KCNA4: variants seen among roughly 807,000 people sequenced by gnomAD.
KCNA4 encodes cardiac potassium channel.
KCNA4 carries 5 observed loss-of-function variants against 37.2 expected under a neutral mutation model. The ratio of observed to expected loss-of-function variants is 0.13; its 90% CI spans 0.07 to 0.28. The LOEUF is 0.28. Among genes scored for constraint, KCNA4 ranks in the 10% least tolerant of loss-of-function variants. KCNA4 has a pLI of 1.00. For missense variants in KCNA4, 634 were observed against 817.4 expected, an observed-to-expected ratio of 0.78 and a Z score of 2.74; for synonymous variants, 350 against 311.8, an observed-to-expected ratio of 1.12 and a Z score of -1.29.
Position 30,012,548 on chromosome 11 carries a change from A to C in KCNA4, c.131T>G (p.Val44Gly). The change falls in exon 2 of 2, where the codon GTT (valine) becomes GGT (glycine). Residue 44 changes from valine to glycine, a missense_variant. Val to Gly is a moderately radical substitution (Grantham distance 109). This residue lies in a region of KCNA4 where 236 missense variants were observed against 229.5 expected (regional missense o/e 1.03). Transcript: ENST00000328224. ...AHSRAAAAAA[V>G]AAATAAVEGS... ...TTCGACAGCAGCTGTGGCCGCTGCA[A>C]CAGCAGCTGCTGCAGCTGCCCTGGA... 1 of 1,607,730 alleles carries C rather than the reference A, an allele frequency of 6.2e-7. No homozygotes were observed. The highest frequency in any genetic ancestry group is 8.5e-7 in the Non-Finnish European group (1 of 1,179,858).
Position 30,012,764 on chromosome 11 carries a change from G to A in KCNA4, c.-86C>T. The A allele has an allele frequency of 2.0e-6, 3 of 1,501,710 alleles. No homozygotes were observed. Among genetic ancestry groups the A allele is most frequent in the East Asian group, 2.3e-5 (1 of 43,430 alleles). 93.0% of individuals were successfully genotyped at this position (1,501,710 alleles called of 1,614,324 possible). The stretch of plus-strand genomic sequence containing the variant: ...CAGCTTCTTTTCTCACCAAATTAAG[G>A]TAAGTTTGGAACCCTTAAGCAGATT... On this transcript the variant is annotated 5_prime_UTR_variant, in exon 2 of 2. Transcript: ENST00000328224.
chr11:30,011,800 A>T lies in KCNA4; in HGVS notation c.879T>A (p.Ile293=). Residue 293 remains isoleucine (I), a synonymous_variant, in exon 2 of 2, where the codon ATT becomes ATA. Coordinates refer to ENST00000328224, the MANE Select transcript of KCNA4 (RefSeq NM_002233.4). This position sits in a 1 kb window ranked among gnomAD's most constrained non-coding sequence, Gnocchi z 5.6. The stretch of plus-strand genomic sequence containing the variant: ...TCTCTGGATATTCAAAGAGGAGCCA[A>T]ATCTGCTTTTTAAATTCATTCTCGG... The part of the protein sequence containing the change: ...ALPENEFKKQ[I]WLLFEYPESS... The T allele has an allele frequency of 6.2e-7, 1 of 1,613,970 alleles. No individual in the cohort carries two copies.
Position 30,011,848 on chromosome 11 carries a change from T to C in KCNA4, c.831A>G (p.Arg277=). The change falls in exon 2 of 2, where the codon AGA becomes AGG. Residue 277 remains arginine, a synonymous_variant. Transcript: ENST00000328224. This position sits in a 1 kb window ranked among gnomAD's most constrained non-coding sequence, Gnocchi z 5.6. ...CGGGGAGGGCCCTGTCTTCCTCTTC[T>C]CTCACAAAGCCCTCGTCCTCCCGAA... is the stretch of plus-strand genomic sequence containing the variant. ...LKFREDEGFV[R]EEEDRALPEN... The C allele has an allele frequency of 6.2e-7, 1 of 1,614,086 alleles. No individual in the cohort carries two copies. The highest frequency in any genetic ancestry group is 8.5e-7 in the Non-Finnish European group (1 of 1,180,022).
intron 1 of KCNA4, among the ~76,000 whole-genome samples, chr11:30,015,429 A>G (rs1268671921): frequency 6.6e-6 from 1 of 152,068 alleles, no homozygotes; most frequent in Admixed American, 6.6e-5. Context: ...TTCCCACCCA[A>G]CTGACTCCCA....
Position 30,010,049 on chromosome 11 carries a change from T to C in KCNA4, c.*668A>G, listed in dbSNP as rs1169816997. ...TCCAATTTCACTTATTCTATAATGT[T>C]AGACATTTGCTGTTAAGTCTTCCCA... On this transcript the variant is annotated 3_prime_UTR_variant, in exon 2 of 2. Coordinates refer to ENST00000328224, the MANE Select transcript of KCNA4 (RefSeq NM_002233.4). 2.0e-5 allele frequency: 3 copies of C among 152,194 alleles called. No individual in the cohort carries two copies. Among genetic ancestry groups the C allele is most frequent in the African/African-American group, 2.4e-5 (1 of 41,462 alleles). 9.4% of individuals were successfully genotyped at this position (152,194 alleles called of 1,614,324 possible).
chr11:30,012,960 C>G lies in KCNA4; in HGVS notation c.-282G>C. ...AAGAAGTCCGAAAATGCTGGAGTCT[C>G]TCAGACACCTATGTTTTGGGGGTAG... On this transcript the variant is annotated 5_prime_UTR_variant, in exon 2 of 2. Transcript: ENST00000328224. 3.0e-6 allele frequency: 1 copy of G among 338,680 alleles called. No homozygotes were observed. Among genetic ancestry groups the G allele is most frequent in the Middle Eastern group, 8.2e-4 (1 of 1,214 alleles). The allele number at this position is 338,680 out of a possible 1,614,324, so 21.0% of individuals were successfully genotyped here.
chr11:30,010,802 T>G lies in KCNA4; in HGVS notation c.1877A>C (p.Glu626Ala), dbSNP rs1170755652. The G allele has an allele frequency of 2.7e-5, 43 of 1,614,118 alleles. No homozygotes were observed. The highest frequency in any genetic ancestry group is 3.6e-5 in the Non-Finnish European group (42 of 1,180,062). Residue 626 changes from glutamate to alanine, a missense_variant, in exon 2 of 2, where the codon GAG becomes GCG. Physicochemically the swap from Glu to Ala is moderately radical, Grantham distance 107. Around this residue, in one of 8 missense-constraint regions of KCNA4, gnomAD observed 91 missense variants for 95.8 expected, o/e 0.95. Transcript: ENST00000328224. ...ATCCCCCTTTCCCTGACACTTCTCCTCCTTTGCACACAGAGATTCCTTAAC... is the reference window on the plus strand; with the variant it reads ...ATCCCCCTTTCCCTGACACTTCTCCGCCTTTGCACACAGAGATTCCTTAAC... The part of the protein sequence containing the change: ...EGVKESLCAK[E>A]EKCQGKGDDS...
rs1352835219 is a variant in KCNA4 at position 30,009,775 on chromosome 11, C to T, written c.*942G>A. 1.3e-5 allele frequency: 2 copies of T among 152,132 alleles called. No individual in the cohort carries two copies. The highest frequency in any genetic ancestry group is 1.9e-4 in the East Asian group (1 of 5,202). 9.4% of individuals were successfully genotyped at this position (152,132 alleles called of 1,614,324 possible). A position where few individuals can be genotyped will look rare whatever the true frequency, so the allele number is the denominator to read the frequency against. The stretch of plus-strand genomic sequence containing the variant: ...AAATTTTACTTCATAATTCCTTTGT[C>T]AATCAGTTATTTAGATTTTAAAAGA... On this transcript the variant is annotated 3_prime_UTR_variant, in exon 2 of 2. Transcript: ENST00000328224.
chr11:30,011,636 C>T lies in KCNA4; in HGVS notation c.1043G>A (p.Gly348Asp), dbSNP rs1278277792. 1 of 1,613,982 alleles carries T rather than the reference C, an allele frequency of 6.2e-7. No homozygotes were observed. The highest frequency in any genetic ancestry group is 1.7e-5 in the Admixed American group (1 of 59,994). The change falls in exon 2 of 2, where the codon GGT becomes GAT. Residue 348 changes from glycine to aspartate, a missense_variant. Gly to Asp is a moderately conservative substitution (Grantham distance 94, BLOSUM62 -1). Transcript: ENST00000328224. This position sits in a 1 kb window ranked among gnomAD's most constrained non-coding sequence, Gnocchi z 5.6. The part of the protein sequence containing the change: ...LVMALSAGGH[G>D]GLLNDTSAPH... Reference sequence around the variant, plus strand: ...TGCTGAAGTATCATTCAACAACCCACCATGCCCGCCAGCACTCAGTGCCAT... The same window carrying T: ...TGCTGAAGTATCATTCAACAACCCATCATGCCCGCCAGCACTCAGTGCCAT...
chr11:30,011,942 T>C lies in KCNA4; in HGVS notation c.737A>G (p.Asn246Ser), dbSNP rs371584770. 1 of 1,614,132 alleles carries C rather than the reference T, an allele frequency of 6.2e-7. No homozygotes were observed. Among genetic ancestry groups the C allele is most frequent in the Non-Finnish European group, 8.5e-7 (1 of 1,180,004 alleles). ...QSGGRLKRPV[N>S]VPFDIFTEEV... Reference sequence around the variant, plus strand: ...CTCAGTGAAGATATCAAAGGGGACATTGACTGGCCTCTTCAGGCGGCCTCC... The same window carrying C: ...CTCAGTGAAGATATCAAAGGGGACACTGACTGGCCTCTTCAGGCGGCCTCC... Residue 246 changes from asparagine (N) to serine (S), a missense_variant, in exon 2 of 2, where the codon AAT (asparagine) becomes AGT (serine). Physicochemically the swap from Asn to Ser is conservative, Grantham distance 46. Around this residue, in one of 8 missense-constraint regions of KCNA4, gnomAD observed 252 missense variants for 344.2 expected, o/e 0.73. Transcript: ENST00000328224. The surrounding 1 kb of genome is among the most constrained non-coding windows in gnomAD (Gnocchi z 5.6).
Position 30,012,825 on chromosome 11 carries a change from G to T in KCNA4, c.-147C>A. ...CTAAGGATATTTTCAGTCCAACTTT[G>T]CATTTTCTGTTTTTAAATCAGCACG... On this transcript the variant is annotated 5_prime_UTR_variant, in exon 2 of 2. Transcript: ENST00000328224. The T allele has an allele frequency of 2.4e-6, 3 of 1,245,326 alleles. No homozygotes were observed. The highest frequency in any genetic ancestry group is 3.2e-6 in the Non-Finnish European group (3 of 929,338). 77.1% of individuals were successfully genotyped at this position (1,245,326 alleles called of 1,614,324 possible).
intron 1 of KCNA4, among the ~76,000 whole-genome samples, chr11:30,016,001 T>TAGAGAG (rs148265239): frequency 6.7e-6 from 1 of 148,274 alleles, no homozygotes; most frequent in Admixed American, 6.7e-5. Context: ...ACCTGAACCT[T>TAGAGAG]AGAGAGAGAG....
Position 30,010,806 on chromosome 11 carries a change from T to C in KCNA4, c.1873A>G (p.Lys625Glu), listed in dbSNP as rs762878567. 2 of 1,614,062 alleles carry C rather than the reference T, an allele frequency of 1.2e-6. No individual in the cohort carries two copies. Among genetic ancestry groups the C allele is most frequent in the African/African-American group, 2.7e-5 (2 of 74,908 alleles). The part of the protein sequence containing the change: ...EEGVKESLCA[K>E]EEKCQGKGDD... ...CCCTTTCCCTGACACTTCTCCTCCT[T>C]TGCACACAGAGATTCCTTAACTCCT... Residue 625 changes from lysine to glutamate, a missense_variant, in exon 2 of 2, where the codon AAG (lysine) becomes GAG (glutamate). By Grantham distance (56) the Lys-to-Glu change is moderately conservative. Around this residue, in one of 8 missense-constraint regions of KCNA4, gnomAD observed 91 missense variants for 95.8 expected, o/e 0.95. Transcript: ENST00000328224.
chr11:30,012,253 A>G lies in KCNA4; in HGVS notation c.426T>C (p.Tyr142=). 1 of 1,613,962 alleles carries G rather than the reference A, an allele frequency of 6.2e-7. No individual in the cohort carries two copies. Among genetic ancestry groups the G allele is most frequent in the Non-Finnish European group, 8.5e-7 (1 of 1,179,984 alleles). Reference sequence around the variant, plus strand: ...ACTCATCACCATGGTCATCTTCACTATAGTAAAACCTTCCCTCCTCTTCCT... The same window carrying G: ...ACTCATCACCATGGTCATCTTCACTGTAGTAAAACCTTCCCTCCTCTTCCT... ...EEEEEEGRFY[Y]SEDDHGDECS... is the part of the protein sequence containing the mutation. The change falls in exon 2 of 2, where the codon TAT becomes TAC. Residue 142 remains tyrosine (Y), a synonymous_variant. Coordinates refer to ENST00000328224, the MANE Select transcript of KCNA4 (RefSeq NM_002233.4).
In KCNA4 at chr11:30,009,934, T is replaced by C. The variant is rs1247258191; in HGVS notation, c.*783A>G. 1 of 152,158 alleles carries C rather than the reference T, an allele frequency of 6.6e-6. No individual in the cohort carries two copies. Among genetic ancestry groups the C allele is most frequent in the Non-Finnish European group, 1.5e-5 (1 of 68,004 alleles). The allele number at this position is 152,158 out of a possible 1,614,324, so 9.4% of individuals were successfully genotyped here. ...GTTACATTAGTAAACATTCACAGTT[T>C]GAAGTCTCTCTCAATCTCCAGCATA... On this transcript the variant is annotated 3_prime_UTR_variant, in exon 2 of 2. Transcript: ENST00000328224.
rs1472111782 is a variant in KCNA4 at position 30,012,799 on chromosome 11, A to G, written c.-121T>C. On this transcript the variant is annotated 5_prime_UTR_variant, in exon 2 of 2. Coordinates refer to ENST00000328224, the MANE Select transcript of KCNA4 (RefSeq NM_002233.4). ...AACCCTTAAGCAGATTGCTTGGAAGACTAAGGATATTTTCAGTCCAACTTT... is the reference window on the plus strand; with the variant it reads ...AACCCTTAAGCAGATTGCTTGGAAGGCTAAGGATATTTTCAGTCCAACTTT... 3 of 1,402,696 alleles carry G rather than the reference A, an allele frequency of 2.1e-6. No individual in the cohort carries two copies. The highest frequency in any genetic ancestry group is 4.8e-5 in the East Asian group (2 of 41,250). 86.9% of individuals were successfully genotyped at this position (1,402,696 alleles called of 1,614,324 possible).
At chr11:30,014,367 G>A (rs764167752) in intron 1 of KCNA4, among the ~76,000 whole-genome samples, 1 of 152,046 alleles carries the variant, frequency 6.6e-6, no homozygotes, top group Non-Finnish European at 1.5e-5. Context: ...CACAGACTAG[G>A]AACTAATGCC....
chr11:30,010,954 T>C lies in KCNA4; in HGVS notation c.1725A>G (p.Glu575=). Reference sequence around the variant, plus strand: ...CTGCATTCTGCGTTAGCTGTGTCTGTTCCTCATTTTCAGTCTCTCTGTGGT... The same window carrying C: ...CTGCATTCTGCGTTAGCTGTGTCTGCTCCTCATTTTCAGTCTCTCTGTGGT... The part of the protein sequence containing the change: ...YFYHRETENE[E]QTQLTQNAVS... Residue 575 remains glutamate, a synonymous_variant, in exon 2 of 2, where the codon GAA becomes GAG. Transcript: ENST00000328224. 6.2e-7 allele frequency: 1 copy of C among 1,614,222 alleles called. No individual in the cohort carries two copies. Among genetic ancestry groups the C allele is most frequent in the Non-Finnish European group, 8.5e-7 (1 of 1,180,030 alleles).
rs370761851 is a variant in KCNA4 at position 30,012,486 on chromosome 11, G to A, written c.193C>T (p.His65Tyr). 2.0e-5 allele frequency: 32 copies of A among 1,610,840 alleles called. No homozygotes were observed. Among genetic ancestry groups the A allele is most frequent in the Middle Eastern group, 1.6e-4 (1 of 6,066 alleles). ...GAGGTACAGGCCCCGCGTGACTGGT[G>A]GTGGTGGTGGGAGCCCCCACCAGAA... ...GGSGGGSHHH[H>Y]QSRGACTSHD... is the part of the protein sequence containing the mutation. Residue 65 changes from histidine to tyrosine, a missense_variant, in exon 2 of 2, where the codon CAC (histidine) becomes TAC (tyrosine). Transcript: ENST00000328224.
Sources: gnomAD v4.1 joint callset for allele counts (sites outside exome capture counted in the v4.1 genomes callset) on GRCh38, gnomAD v4.1.1 for gene constraint, gnomAD v4.1.1 regional missense constraint, Gnocchi (gnomAD v3.1) non-coding constraint, MANE v1.5 for transcripts, NCBI Gene and HGNC (gene_info 2026-07-23, HGNC 2026-07-21) for gene names.